RSU1: variants seen among roughly 807,000 people sequenced by gnomAD.
The protein encoded by RSU1 is rsu-1.
A neutral mutation model predicts 31.1 loss-of-function variants in RSU1; 26 were observed. The ratio of observed to expected loss-of-function variants is 0.84; its 90% CI spans 0.61 to 1.16. The LOEUF (loss-of-function observed/expected upper bound fraction) is 1.16. Ranked by LOEUF, RSU1 falls within the 50% of genes most tolerant of loss-of-function variation. The pLI, the probability that RSU1 is intolerant of heterozygous loss-of-function variation, is 0.00. For synonymous variants in RSU1, 164 were observed against 136.3 expected (o/e 1.20, Z -1.41); for missense variants, 320 against 339.1 (o/e 0.94, Z 0.44).
At chr10:16,640,934 T>C (rs987899044) in intron 8 of RSU1, among the ~76,000 whole-genome samples, 2 of 152,218 alleles carry the variant, frequency 1.3e-5, no homozygotes, top group Non-Finnish European at 2.9e-5. Flanking sequence ...AAGAATGGAA[T>C]TGAACAATGG....
At chr10:16,748,125 T>C (rs1334236253) in intron 7 of RSU1, 1 of 152,290 alleles carries the variant, frequency 6.6e-6, no homozygotes, top group African/African-American at 2.4e-5. Flanking sequence ...CTCTAACCAA[T>C]GACTACAAGC....
intron 8 of RSU1, among the ~76,000 whole-genome samples, chr10:16,599,377 T>G (rs1236917810): frequency 3.3e-5 from 5 of 152,132 alleles, no homozygotes; most frequent in African/African-American, 1.2e-4. Flanking sequence ...GGCACCACTG[T>G]CCCCTCCTAG....
At chr10:16,658,836 A>C (rs928852435) in intron 8 of RSU1, among the ~76,000 whole-genome samples, 6 of 152,238 alleles carry the variant, frequency 3.9e-5, no homozygotes, top group African/African-American at 1.4e-4. Context: ...CTTAGACTAT[A>C]CATGTCTGCC....
At chr10:16,659,422 G>A (rs1834848918) in intron 8 of RSU1, among the ~76,000 whole-genome samples, 1 of 145,724 alleles carries the variant, frequency 6.9e-6, no homozygotes, top group South Asian at 2.2e-4. Context: ...GATTTTTTGT[G>A]TACTTCAGGA....
At chr10:16,597,354 C>A (rs748798350) in intron 8 of RSU1, among the ~76,000 whole-genome samples, 2 of 152,154 alleles carry the variant, frequency 1.3e-5, no homozygotes, top group African/African-American at 2.4e-5. Context: ...ATATTCAGAT[C>A]CCACTGTGTG....
intron 7 of RSU1, among the ~76,000 whole-genome samples, chr10:16,722,092 G>C (rs372706850): frequency 3.5e-4 from 53 of 152,260 alleles, no homozygotes; most frequent in African/African-American, 1.2e-3. Flanking sequence ...GATATTTTGA[G>C]AGAGAGATAC....
chr10:16,632,399 A>G (rs1834267724), intron 8 of RSU1, among the ~76,000 whole-genome samples: 1 of 152,200 alleles, frequency 6.6e-6, no homozygotes, highest in African/African-American at 2.4e-5. Flanking sequence ...TGAAGGTAAC[A>G]GATACCTCCT....
intron 8 of RSU1, among the ~76,000 whole-genome samples, chr10:16,686,762 G>A (rs1564316819): frequency 1.3e-5 from 2 of 152,152 alleles, no homozygotes; most frequent in Non-Finnish European, 1.5e-5. Flanking sequence ...GAGAGAGACT[G>A]AGATAGTTTT....
At chr10:16,641,965 G>A (rs1276462307) in intron 8 of RSU1, among the ~76,000 whole-genome samples, 1 of 152,202 alleles carries the variant, frequency 6.6e-6, no homozygotes, top group African/African-American at 2.4e-5. Flanking sequence ...TGTGAAAAGT[G>A]TCCCACAGGA....
At chr10:16,616,573 TC>T (rs1833981336) in intron 8 of RSU1, among the ~76,000 whole-genome samples, 1 of 152,052 alleles carries the variant, frequency 6.6e-6, no homozygotes, top group Non-Finnish European at 1.5e-5. Context: ...AAAGAAAATT[TC>T]AGGCCAATAT....
intron 8 of RSU1, among the ~76,000 whole-genome samples, chr10:16,684,079 C>G (rs1835391269): frequency 6.6e-6 from 1 of 152,138 alleles, no homozygotes; most frequent in Admixed American, 6.5e-5. Flanking sequence ...ATACAAGGTG[C>G]TAGACACTCA....
chr10:16,652,942 G>T (rs531417324), intron 8 of RSU1, among the ~76,000 whole-genome samples: 1 of 151,868 alleles, frequency 6.6e-6, no homozygotes, highest in East Asian at 1.9e-4. Flanking sequence ...GCCTCCCAAA[G>T]TGCCGAGATT....
At chr10:16,815,677 T>A (rs999570127) in intron 2 of RSU1, among the ~76,000 whole-genome samples, 2 of 152,070 alleles carry the variant, frequency 1.3e-5, no homozygotes, top group South Asian at 4.1e-4. Context: ...GACTTCTAGA[T>A]TAAAAAAGAA....
chr10:16,721,768 T>C (rs931146070), intron 7 of RSU1: 3 of 152,272 alleles, frequency 2.0e-5, no homozygotes, highest in East Asian at 1.9e-4. Context: ...TTTCCATACA[T>C]TGCCATTAGA....
At chr10:16,603,481 T>C (rs1239256453) in intron 8 of RSU1, among the ~76,000 whole-genome samples, 1 of 152,254 alleles carries the variant, frequency 6.6e-6, no homozygotes, top group African/African-American at 2.4e-5. Context: ...TCTTTGGTTA[T>C]GTATCAGAGG....
intron 7 of RSU1, chr10:16,726,908 G>T (rs1485181810): frequency 2.6e-6 from 1 of 380,132 alleles, no homozygotes; most frequent in Admixed American, 3.0e-5. Context: ...CCACCATGCA[G>T]AAGGGCGTTG....
chr10:16,785,431 T>TATATACATACACATATATACATATATAC (rs1837758957), intron 2 of RSU1, among the ~76,000 whole-genome samples: 5 of 128,006 alleles, frequency 3.9e-5, no homozygotes, highest in African/African-American at 1.6e-4. Context: ...TATATACATA[T>TATATACATACACATATATACATATATAC]ATATATATAC....
chr10:16,678,817 T>C (rs1279344710), intron 8 of RSU1, among the ~76,000 whole-genome samples: 4 of 152,162 alleles, frequency 2.6e-5, no homozygotes, highest in Admixed American at 2.0e-4. Flanking sequence ...TACTAGTTTA[T>C]TGCCTATCCT....
intron 2 of RSU1, among the ~76,000 whole-genome samples, chr10:16,801,097 T>TAAA (rs199590345): frequency 6.8e-5 from 10 of 147,082 alleles, no homozygotes; most frequent in Non-Finnish European, 1.1e-4. Flanking sequence ...ATCTTTTTTT[T>TAAA]AAAAAAAAAA....
Sources: allele counts gnomAD v4.1 joint callset (sites outside exome capture counted in the v4.1 genomes callset), GRCh38; gene constraint gnomAD v4.1.1; transcripts MANE v1.5; gene names NCBI Gene and HGNC (gene_info 2026-07-23, HGNC 2026-07-21).